AZIN2: variants seen among roughly 807,000 people sequenced by gnomAD.
AZIN2 encodes ODC antizyme inhibitor-2.
A neutral mutation model predicts 47.8 loss-of-function variants in AZIN2; 28 were observed. That is an observed-to-expected ratio of 0.59 (90% CI 0.43 to 0.80). The LOEUF is 0.80. Among genes scored for constraint, AZIN2 ranks in the 30% least tolerant of loss-of-function variants. The pLI is 0.00. For synonymous variants in AZIN2, 221 were observed against 239.4 expected (o/e 0.92, Z 0.71); for missense variants, 535 against 582.5 (o/e 0.92, Z 0.84).
At chr1:33,107,671 A>G (rs1218872021) in intron 10 of AZIN2, among the ~76,000 whole-genome samples, 1 of 152,250 alleles carries the variant, frequency 6.6e-6, no homozygotes, top group African/African-American at 2.4e-5. Context: ...GAAGATACAA[A>G]GTTAACATAC....
chr1:33,082,613 C>G (rs1421197414), intron 4 of AZIN2: 1 of 395,440 alleles, frequency 2.5e-6, no homozygotes, highest in Non-Finnish European at 4.6e-6. Context: ...TCCCTCACCG[C>G]CCACATCTAG....
At chr1:33,140,530 C>T in the AZIN2 span, among the ~76,000 whole-genome samples, 1 of 152,214 alleles carries the variant, frequency 6.6e-6, no homozygotes, top group Non-Finnish European at 1.5e-5. This position sits in a 1 kb window ranked among gnomAD's most constrained non-coding sequence, Gnocchi z 4.0. Flanking sequence ...GGGGCAAGAG[C>T]CTCTTTTCTG....
the AZIN2 span, among the ~76,000 whole-genome samples, chr1:33,157,857 A>T: frequency 6.6e-6 from 1 of 152,028 alleles, no homozygotes; most frequent in Admixed American, 6.6e-5. Flanking sequence ...CCTGGGTTCA[A>T]GCAATTCTCC....
chr1:33,139,702 T>TGC, the AZIN2 span, among the ~76,000 whole-genome samples: 102 of 152,332 alleles, frequency 6.7e-4, no homozygotes, highest in African/African-American at 2.3e-3. Flanking sequence ...AGGAAGCCCC[T>TGC]GCAAACAGAA....
In AZIN2 at chr1:33,096,862, C is replaced by T; in HGVS notation, c.909C>T (p.Gly303=). 3 of 1,614,136 alleles carry T rather than the reference C, an allele frequency of 1.9e-6. No homozygotes were observed. The highest frequency in any genetic ancestry group is 2.5e-6 in the Non-Finnish European group (3 of 1,179,992). Residue 303 remains glycine, a synonymous_variant, in exon 9 of 12, where the codon GGC becomes GGT. Coordinates refer to ENST00000294517, the MANE Select transcript of AZIN2 (RefSeq NM_052998.4). The part of the protein sequence containing the change: ...AKKEVLLDQP[G]REEENGSTSK... ...AGGAGGTTCTGCTAGACCAGCCTGG[C>T]AGGGAGGGTAGGTGCCAGGTGGGCA... is the stretch of plus-strand genomic sequence containing the variant.
In AZIN2 at chr1:33,082,234, GCTC is replaced by G; in HGVS notation, c.-10_-8del. 1.2e-6 allele frequency: 2 copies of G among 1,610,358 alleles called. No individual in the cohort carries two copies. The highest frequency in any genetic ancestry group is 1.1e-5 in the South Asian group (1 of 90,978). ...AGCAGCGGCTCCATCCAGCCCGTCA[GCTC>G]CTCCTGCAAGGCATGGCTGGCTACC... On this transcript the variant is annotated 5_prime_UTR_variant, in exon 4 of 12. Coordinates refer to ENST00000294517, the MANE Select transcript of AZIN2 (RefSeq NM_052998.4).
intron 6 of AZIN2, among the ~76,000 whole-genome samples, 197 bp downstream of exon 6, chr1:33,092,419 T>C (rs1166648585): frequency 6.6e-6 from 1 of 151,160 alleles, no homozygotes; most frequent in Non-Finnish European, 1.5e-5. Flanking sequence ...TTGCAGGAGG[T>C]TGGGGCAGGT....
chr1:33,097,008 C>A, intron 9 of AZIN2, 139 bp downstream of exon 9: 1 of 1,032,694 alleles, frequency 9.7e-7, no homozygotes, highest in South Asian at 1.6e-5. Flanking sequence ...TTTAGGGAAA[C>A]TTTCAGTCAA....
the AZIN2 span, among the ~76,000 whole-genome samples, chr1:33,156,443 C>G: frequency 2.6e-5 from 4 of 152,192 alleles, no homozygotes; most frequent in Non-Finnish European, 5.9e-5. Flanking sequence ...GGCTCAGCAG[C>G]CTTTGTCACT....
intron 11 of AZIN2, 151 bp from the exon 12 acceptor site, chr1:33,119,893 T>G: frequency 1.0e-6 from 1 of 1,001,864 alleles, no homozygotes; most frequent in African/African-American, 1.6e-5. Context: ...TAGGAAGCAG[T>G]TGGGGAGGGG....
chr1:33,138,894 G>C, the AZIN2 span, among the ~76,000 whole-genome samples: 1 of 152,148 alleles, frequency 6.6e-6, no homozygotes, highest in African/African-American at 2.4e-5. Context: ...CAGGGGAAAG[G>C]GTTGGGCTTC....
At chr1:33,147,051 A>G in the AZIN2 span, 1 of 961,970 alleles carries the variant, frequency 1.0e-6, no homozygotes, top group Middle Eastern at 2.5e-4. This position sits in a 1 kb window ranked among gnomAD's most constrained non-coding sequence, Gnocchi z 8.1. Flanking sequence ...TGGAGGCTGG[A>G]GGGTAAACAA....
chr1:33,134,860 G>A, the AZIN2 span, among the ~76,000 whole-genome samples: 1 of 152,156 alleles, frequency 6.6e-6, no homozygotes, highest in Non-Finnish European at 1.5e-5. Context: ...CATTTCTTCC[G>A]TCTTCTACTT....
At chr1:33,085,028 GT>G (rs556306329) in intron 5 of AZIN2, among the ~76,000 whole-genome samples, 104 of 152,292 alleles carry the variant, frequency 6.8e-4, no homozygotes, top group Admixed American at 1.8e-3. Flanking sequence ...TGAATGCTTA[GT>G]TTATTTATTT....
At chr1:33,101,898 T>C in intron 10 of AZIN2, 1 of 778,890 alleles carries the variant, frequency 1.3e-6, no homozygotes, top group Non-Finnish European at 2.4e-6. Flanking sequence ...TGTAGCGCTC[T>C]TTTGGTGAGT....
At chr1:33,151,775 A>T in the AZIN2 span, among the ~76,000 whole-genome samples, 2 of 152,206 alleles carry the variant, frequency 1.3e-5, no homozygotes, top group African/African-American at 4.8e-5. Flanking sequence ...TTCAGGAAGG[A>T]TCATGGACTG....
At chr1:33,082,389 C>T (rs1293732310) in intron 4 of AZIN2, 35 bp downstream of exon 4, 2 of 1,542,580 alleles carry the variant, frequency 1.3e-6, no homozygotes, top group African/African-American at 2.7e-5. Flanking sequence ...GTCCCCGGTC[C>T]CCTGTACAGA....
chr1:33,147,102 A>T, the AZIN2 span: 2 of 1,530,818 alleles, frequency 1.3e-6, no homozygotes, highest in African/African-American at 2.7e-5. The surrounding 1 kb of genome is among the most constrained non-coding windows in gnomAD (Gnocchi z 8.1). Context: ...GCTGGAGTCC[A>T]GGTCTTCTAT....
At chr1:33,159,640 C>A in the AZIN2 span, 2 of 1,572,564 alleles carry the variant, frequency 1.3e-6, no homozygotes, top group South Asian at 2.3e-5. This position sits in a 1 kb window ranked among gnomAD's most constrained non-coding sequence, Gnocchi z 4.2. Flanking sequence ...CAGCATGGGT[C>A]GAGGAGGGGA....
Sources: gnomAD v4.1 joint callset for allele counts (sites outside exome capture counted in the v4.1 genomes callset) on GRCh38, gnomAD v4.1.1 for gene constraint, Gnocchi (gnomAD v3.1) non-coding constraint, MANE v1.5 for transcripts, NCBI Gene and HGNC (gene_info 2026-07-23, HGNC 2026-07-21) for gene names.